The following MCHR1 variants were observed in gnomAD, a reference collection of about 807,000 sequenced individuals.
The protein encoded by MCHR1 is melanin concentrating hormone receptor 1, also known as melanin-concentrating hormone receptor 1.
A neutral mutation model predicts 20.4 loss-of-function variants in MCHR1; 13 were observed. The ratio of observed to expected loss-of-function variants is 0.64; its 90% CI spans 0.41 to 1.01. MCHR1 has a LOEUF of 1.01. Ranked by LOEUF, MCHR1 falls within the 50% of genes least tolerant of loss-of-function variation. The probability of loss-of-function intolerance (pLI) is 0.00; values close to 1 mark genes in which losing one functional copy is unlikely to be tolerated. For missense variants in MCHR1, 472 were observed against 477.0 expected, an observed-to-expected ratio of 0.99 and a Z score of 0.10; for synonymous variants, 215 against 204.4, an observed-to-expected ratio of 1.05 and a Z score of -0.44.
rs372132604 is a variant in MCHR1, at chr22:40,681,827, C to T, written c.961C>T (p.Arg321Cys). Residue 321 changes from arginine (R) to cysteine (C), a missense_variant, in exon 2 of 2, where the codon CGC (arginine) becomes TGC (cysteine). Physicochemically the swap from Arg to Cys is radical, Grantham distance 180. Transcript: ENST00000249016. The surrounding 1 kb of genome is among the most constrained non-coding windows in gnomAD (Gnocchi z 4.3). ...CGTGCTCTGTGAGACGTTCCGCAAACGCTTGGTCCTGTCGGTGAAGCCTGC... is the reference window on the plus strand; with the variant it reads ...CGTGCTCTGTGAGACGTTCCGCAAATGCTTGGTCCTGTCGGTGAAGCCTGC... ...YIVLCETFRK[R>C]LVLSVKPAAQ... The T allele has an allele frequency of 1.2e-5, 19 of 1,614,060 alleles. No homozygotes were observed. The highest frequency in any genetic ancestry group is 1.1e-4 in the African/African-American group (8 of 74,942).
Position 40,681,282 on chromosome 22 carries a change from T to C in MCHR1, c.416T>C (p.Ile139Thr). The C allele has an allele frequency of 6.2e-7, 1 of 1,614,130 alleles. No homozygotes were observed. The highest frequency in any genetic ancestry group is 1.1e-5 in the South Asian group (1 of 91,086). Residue 139 changes from isoleucine (I) to threonine (T), a missense_variant, in exon 2 of 2, where the codon ATT becomes ACT. Physicochemically the swap from Ile to Thr is moderately conservative, Grantham distance 89. Transcript: ENST00000249016. This position sits in a 1 kb window ranked among gnomAD's most constrained non-coding sequence, Gnocchi z 4.3. The part of the protein sequence containing the change: ...TSTYILTAMA[I>T]DRYLATVHPI... ...ACCTACATCCTGACCGCCATGGCCA[T>C]TGACCGCTACCTGGCCACTGTCCAC...
intron 1 of MCHR1, 62 bp from the exon 2 acceptor site, chr22:40,680,887 G>A: frequency 6.2e-7 from 1 of 1,604,656 alleles, no homozygotes; most frequent in Admixed American, 1.7e-5. Context: ...ATGCCAGCAG[G>A]ATGTCAGTTC....
chr22:40,681,828 G>C lies in MCHR1; in HGVS notation c.962G>C (p.Arg321Pro), dbSNP rs190547628. The change falls in exon 2 of 2, where the codon CGC (arginine) becomes CCC (proline). Residue 321 changes from arginine (R) to proline (P), a missense_variant. By Grantham distance (103) the Arg-to-Pro change is moderately radical (BLOSUM62 -2). Transcript: ENST00000249016. The surrounding 1 kb of genome is among the most constrained non-coding windows in gnomAD (Gnocchi z 4.3). ...YIVLCETFRK[R>P]LVLSVKPAAQ... The stretch of plus-strand genomic sequence containing the variant: ...GTGCTCTGTGAGACGTTCCGCAAAC[G>C]CTTGGTCCTGTCGGTGAAGCCTGCA... The C allele has an allele frequency of 1.2e-5, 19 of 1,614,030 alleles. No individual in the cohort carries two copies. In the South Asian group the frequency reaches 2.1e-4, roughly 18 times the overall value.
chr22:40,681,133 T>A lies in MCHR1; in HGVS notation c.267T>A (p.Asp89Glu). 6.2e-7 allele frequency: 1 copy of A among 1,613,694 alleles called. No homozygotes were observed. Among genetic ancestry groups the A allele is most frequent in the Non-Finnish European group, 8.5e-7 (1 of 1,179,874 alleles). The change falls in exon 2 of 2, where the codon GAT becomes GAA. Residue 89 changes from aspartate to glutamate, a missense_variant. Transcript: ENST00000249016. This position sits in a 1 kb window ranked among gnomAD's most constrained non-coding sequence, Gnocchi z 4.3. ...DIFIINLSVV[D>E]LLFLLGMPFM... ...TCATCATCAACCTCTCGGTAGTAGA[T>A]CTCCTCTTTCTCCTGGGCATGCCCT...
chr22:40,681,863 C>T lies in MCHR1; in HGVS notation c.997C>T (p.Gln333Ter). Reference sequence around the variant, plus strand: ...GTCGGTGAAGCCTGCAGCCCAGGGGCAGCTTCGCGCTGTCAGCAACGCTCA... The same window carrying T: ...GTCGGTGAAGCCTGCAGCCCAGGGGTAGCTTCGCGCTGTCAGCAACGCTCA... ...VLSVKPAAQG[Q>*]LRAVSNAQTA... is the part of the protein sequence containing the mutation. Residue 333 changes from glutamine (Q) to a stop codon, truncating the protein, a stop_gained, in exon 2 of 2, where the codon CAG becomes TAG. Transcript: ENST00000249016. LOFTEE classifies it high-confidence loss of function. The surrounding 1 kb of genome is among the most constrained non-coding windows in gnomAD (Gnocchi z 4.3). 4 of 1,613,788 alleles carry T rather than the reference C, an allele frequency of 2.5e-6. No individual in the cohort carries two copies. The highest frequency in any genetic ancestry group is 3.4e-6 in the Non-Finnish European group (4 of 1,180,050).
rs140185504 is a variant in MCHR1, at chr22:40,681,225, C to T, written c.359C>T (p.Thr120Met). ...GGGGAGACCATGTGCACCCTCATCA[C>T]GGCCATGGATGCCAATAGTCAGTTC... ...HFGETMCTLI[T>M]AMDANSQFTS... Residue 120 changes from threonine (T) to methionine (M), a missense_variant, in exon 2 of 2, where the codon ACG becomes ATG. Thr to Met is a moderately conservative substitution (Grantham distance 81). Coordinates refer to ENST00000249016, the MANE Select transcript of MCHR1 (RefSeq NM_005297.4). The surrounding 1 kb of genome is among the most constrained non-coding windows in gnomAD (Gnocchi z 4.3). 1.3e-5 allele frequency: 21 copies of T among 1,614,058 alleles called. No individual in the cohort carries two copies. The highest frequency in any genetic ancestry group is 3.3e-5 in the Admixed American group (2 of 59,998).
chr22:40,679,731 G>T lies in MCHR1; in HGVS notation c.79G>T (p.Ala27Ser), dbSNP rs2056869726. 5 of 1,614,140 alleles carry T rather than the reference G, an allele frequency of 3.1e-6. No homozygotes were observed. The East Asian group carries it at 1.1e-4, about 36-fold the overall frequency. ...TGATGGCCCCGATAACCTCACTTCG[G>T]CAGGTGAGTTGACTGGGAGCCCTCC... Reference protein sequence around the residue: ...TSDGPDNLTSAGSPPRTGSIS... With the variant: ...TSDGPDNLTSSGSPPRTGSIS... Residue 27 changes from alanine (A) to serine (S), a missense_variant, in exon 1 of 2, where the codon GCA becomes TCA. Transcript: ENST00000249016.
intron 1 of MCHR1, chr22:40,680,183 A>G: frequency 3.7e-6 from 1 of 270,276 alleles, no homozygotes; most frequent in Non-Finnish European, 7.2e-6. Flanking sequence ...GGAAGGGAAG[A>G]CTTCACAGAG....
rs1446531381 is a variant in MCHR1 at position 40,681,832 on chromosome 22, G to T, written c.966G>T (p.Leu322Phe). ...TCTGTGAGACGTTCCGCAAACGCTT[G>T]GTCCTGTCGGTGAAGCCTGCAGCCC... ...IVLCETFRKR[L>F]VLSVKPAAQG... is the part of the protein sequence containing the mutation. Residue 322 changes from leucine (L) to phenylalanine (F), a missense_variant, in exon 2 of 2, where the codon TTG (leucine) becomes TTT (phenylalanine). Physicochemically the swap from Leu to Phe is conservative, Grantham distance 22. Transcript: ENST00000249016. This position sits in a 1 kb window ranked among gnomAD's most constrained non-coding sequence, Gnocchi z 4.3. The T allele has an allele frequency of 6.2e-7, 1 of 1,614,148 alleles. No homozygotes were observed. The highest frequency in any genetic ancestry group is 1.7e-5 in the Admixed American group (1 of 60,026).
In MCHR1 at chr22:40,681,268, G is replaced by A. The variant is rs1569374295; in HGVS notation, c.402G>A (p.Leu134=). 1.9e-6 allele frequency: 3 copies of A among 1,613,960 alleles called. No homozygotes were observed. The South Asian group carries it at 3.3e-5, about 18-fold the overall frequency. The change falls in exon 2 of 2, where the codon CTG becomes CTA. Residue 134 remains leucine, a synonymous_variant. Coordinates refer to ENST00000249016, the MANE Select transcript of MCHR1 (RefSeq NM_005297.4). This position sits in a 1 kb window ranked among gnomAD's most constrained non-coding sequence, Gnocchi z 4.3. The stretch of plus-strand genomic sequence containing the variant: ...GTCAGTTCACCAGCACCTACATCCT[G>A]ACCGCCATGGCCATTGACCGCTACC... ...ANSQFTSTYI[L]TAMAIDRYLA...
In MCHR1 at chr22:40,679,739, G is replaced by A; in HGVS notation, c.82+5G>A. On this transcript the variant is annotated splice_donor_5th_base_variant and intron_variant, in intron 1 of 1. Coordinates refer to ENST00000249016, the MANE Select transcript of MCHR1 (RefSeq NM_005297.4). Reference sequence around the variant, plus strand: ...CCGATAACCTCACTTCGGCAGGTGAGTTGACTGGGAGCCCTCCCTCCTCTG... The same window carrying A: ...CCGATAACCTCACTTCGGCAGGTGAATTGACTGGGAGCCCTCCCTCCTCTG... 1 of 1,614,148 alleles carries A rather than the reference G, an allele frequency of 6.2e-7. No homozygotes were observed. Among genetic ancestry groups the A allele is most frequent in the Non-Finnish European group, 8.5e-7 (1 of 1,180,028 alleles).
chr22:40,680,474 C>T (rs900488393), intron 1 of MCHR1, among the ~76,000 whole-genome samples: 11 of 152,186 alleles, frequency 7.2e-5, no homozygotes, highest in African/African-American at 2.4e-4. Flanking sequence ...AAAGCCTCTA[C>T]AAGACAGTCA....
Position 40,682,041 on chromosome 22 carries a change from G to A in MCHR1, c.*113G>A, listed in dbSNP as rs201504527. 1 of 1,382,516 alleles carries A rather than the reference G, an allele frequency of 7.2e-7. No homozygotes were observed. Among genetic ancestry groups the A allele is most frequent in the Non-Finnish European group, 1.0e-6 (1 of 1,001,848 alleles). 85.6% of individuals were successfully genotyped at this position (1,382,516 alleles called of 1,614,324 possible). Reference sequence around the variant, plus strand: ...GGGAAATGCAGGAAGGCCGGGTTGTGAGGGGTTGTTGCAATGAAATAAATA... The same window carrying A: ...GGGAAATGCAGGAAGGCCGGGTTGTAAGGGGTTGTTGCAATGAAATAAATA... On this transcript the variant is annotated 3_prime_UTR_variant, in exon 2 of 2. Coordinates refer to ENST00000249016, the MANE Select transcript of MCHR1 (RefSeq NM_005297.4).
Position 40,682,150 on chromosome 22 carries a change from A to G in MCHR1, c.*222A>G. 2 of 608,196 alleles carry G rather than the reference A, an allele frequency of 3.3e-6. No homozygotes were observed. Among genetic ancestry groups the G allele is most frequent in the Non-Finnish European group, 5.8e-6 (2 of 343,706 alleles). The allele number at this position is 608,196 out of a possible 1,614,324, so 37.7% of individuals were successfully genotyped here. A position where few individuals can be genotyped will look rare whatever the true frequency, so the allele number is the denominator to read the frequency against. On this transcript the variant is annotated 3_prime_UTR_variant, in exon 2 of 2. Coordinates refer to ENST00000249016, the MANE Select transcript of MCHR1 (RefSeq NM_005297.4). ...ATATCAGAAATCCCCTTGGGGGAGCAGGATGAGACCTTTGGATAGAACAGA... is the reference window on the plus strand; with the variant it reads ...ATATCAGAAATCCCCTTGGGGGAGCGGGATGAGACCTTTGGATAGAACAGA...
Position 40,681,308 on chromosome 22 carries a change from C to G in MCHR1, c.442C>G (p.Pro148Ala), listed in dbSNP as rs746908607. The change falls in exon 2 of 2, where the codon CCC (proline) becomes GCC (alanine). Residue 148 changes from proline to alanine, a missense_variant. By Grantham distance (27) the Pro-to-Ala change is conservative (BLOSUM62 -1). Transcript: ENST00000249016. This position sits in a 1 kb window ranked among gnomAD's most constrained non-coding sequence, Gnocchi z 4.3. Reference sequence around the variant, plus strand: ...TGACCGCTACCTGGCCACTGTCCACCCCATCTCTTCCACGAAGTTCCGGAA... The same window carrying G: ...TGACCGCTACCTGGCCACTGTCCACGCCATCTCTTCCACGAAGTTCCGGAA... ...AIDRYLATVH[P>A]ISSTKFRKPS... 3 of 1,614,066 alleles carry G rather than the reference C, an allele frequency of 1.9e-6. No homozygotes were observed. In the East Asian group the frequency reaches 6.7e-5, roughly 36 times the overall value.
rs146834583 is a variant in MCHR1, at chr22:40,679,611, A to C, written c.-42A>C. ...GCCGCAGCCTGCGTGGGTGGAGGGG[A>C]GCTCAGCTCGGTTGTGGGAGCAGGC... On this transcript the variant is annotated 5_prime_UTR_variant, in exon 1 of 2. Coordinates refer to ENST00000249016, the MANE Select transcript of MCHR1 (RefSeq NM_005297.4). The C allele has an allele frequency of 3.7e-6, 6 of 1,613,454 alleles. No homozygotes were observed. The highest frequency in any genetic ancestry group is 1.7e-5 in the Admixed American group (1 of 59,952).
rs201746974 is a variant in MCHR1 at position 40,681,901 on chromosome 22, G to A, written c.1035G>A (p.Glu345=). ...TCAGCAACGCTCAGACGGCTGACGA[G>A]GAGAGGACAGAAAGCAAAGGCACCT... is the stretch of plus-strand genomic sequence containing the variant. ...RAVSNAQTAD[E]ERTESKGT is the part of the protein sequence containing the mutation. The change falls in exon 2 of 2, where the codon GAG becomes GAA. Residue 345 remains glutamate (E), a synonymous_variant. Transcript: ENST00000249016. The surrounding 1 kb of genome is among the most constrained non-coding windows in gnomAD (Gnocchi z 4.3). The A allele has an allele frequency of 5.6e-5, 90 of 1,610,536 alleles. No individual in the cohort carries two copies. The highest frequency in any genetic ancestry group is 6.7e-5 in the Admixed American group (4 of 60,008).
Position 40,681,286 on chromosome 22 carries a change from C to G in MCHR1, c.420C>G (p.Asp140Glu), listed in dbSNP as rs1291636710. ...ACATCCTGACCGCCATGGCCATTGA[C>G]CGCTACCTGGCCACTGTCCACCCCA... Reference protein sequence around the residue: ...STYILTAMAIDRYLATVHPIS... With the variant: ...STYILTAMAIERYLATVHPIS... Residue 140 changes from aspartate to glutamate, a missense_variant, in exon 2 of 2, where the codon GAC (aspartate) becomes GAG (glutamate). Coordinates refer to ENST00000249016, the MANE Select transcript of MCHR1 (RefSeq NM_005297.4). This position sits in a 1 kb window ranked among gnomAD's most constrained non-coding sequence, Gnocchi z 4.3. The G allele has an allele frequency of 6.2e-7, 1 of 1,614,156 alleles. No homozygotes were observed. The highest frequency in any genetic ancestry group is 1.1e-5 in the South Asian group (1 of 91,082).
chr22:40,679,576 G>A lies in MCHR1; in HGVS notation c.-77G>A. On this transcript the variant is annotated 5_prime_UTR_variant, in exon 1 of 2. Coordinates refer to ENST00000249016, the MANE Select transcript of MCHR1 (RefSeq NM_005297.4). ...TGCGCTCCGGGACAAGGTGGCAGGC[G>A]CTGGAGGCTGCCGCAGCCTGCGTGG... is the stretch of plus-strand genomic sequence containing the variant. 8 of 1,613,440 alleles carry A rather than the reference G, an allele frequency of 5.0e-6. No individual in the cohort carries two copies. Among genetic ancestry groups the A allele is most frequent in the Non-Finnish European group, 5.1e-6 (6 of 1,179,754 alleles).
Sources: allele counts gnomAD v4.1 joint callset (sites outside exome capture counted in the v4.1 genomes callset), GRCh38; gene constraint gnomAD v4.1.1; non-coding constraint Gnocchi (gnomAD v3.1); transcripts MANE v1.5; gene names NCBI Gene and HGNC (gene_info 2026-07-23, HGNC 2026-07-21).